The following FRMD3 variants were observed in gnomAD, a reference collection of about 807,000 sequenced individuals.
The protein encoded by FRMD3 is FERM domain-containing protein 3.
In FRMD3, 33 loss-of-function variants were observed where a neutral mutation model predicts 70.2. The observed-to-expected ratio is 0.47, with a 90% CI of 0.36 to 0.63. The LOEUF is 0.63. Among genes scored for constraint, FRMD3 ranks in the 20% least tolerant of loss-of-function variants. The pLI, the probability that FRMD3 is intolerant of heterozygous loss-of-function variation, is 0.00. For synonymous variants in FRMD3, 279 were observed against 255.9 expected (o/e 1.09, Z -0.86); for missense variants, 632 against 711.4 (o/e 0.89, Z 1.27).
chr9:83,436,489 T>TGTGTGTGTGTGTGTGC (rs1279318857), intron 1 of FRMD3, among the ~76,000 whole-genome samples: 1 of 151,370 alleles, frequency 6.6e-6, no homozygotes, highest in Non-Finnish European at 1.5e-5. Flanking sequence ...TGTGTGTGTG[T>TGTGTGTGTGTGTGTGC]GTCTGCATGC....
chr9:83,377,589 G>T (rs942978920), intron 2 of FRMD3, among the ~76,000 whole-genome samples: 7 of 152,044 alleles, frequency 4.6e-5, no homozygotes, highest in African/African-American at 1.4e-4. Flanking sequence ...GTTCTTGCAA[G>T]ATCTGGTCAT....
At chr9:83,477,304 G>C (rs1828424268) in intron 1 of FRMD3, among the ~76,000 whole-genome samples, 1 of 152,176 alleles carries the variant, frequency 6.6e-6, no homozygotes, top group Non-Finnish European at 1.5e-5. Flanking sequence ...CGACTGAGTA[G>C]CCTGGTTTCA....
At chr9:83,452,848 C>CTTTTT (rs11346596) in intron 1 of FRMD3, among the ~76,000 whole-genome samples, 16 of 72,374 alleles carry the variant, frequency 2.2e-4, no homozygotes, top group Non-Finnish European at 3.1e-4. Context: ...TTTTTATTGC[C>CTTTTT]TTTTTTTTTT....
chr9:83,502,914 G>A (rs893412670), intron 1 of FRMD3, among the ~76,000 whole-genome samples: 5 of 152,106 alleles, frequency 3.3e-5, no homozygotes, highest in African/African-American at 1.2e-4. Flanking sequence ...TGCCTCTCTG[G>A]AAAAGGAGAA....
intron 1 of FRMD3, among the ~76,000 whole-genome samples, chr9:83,480,188 G>A (rs191890647): frequency 6.6e-6 from 1 of 152,262 alleles, no homozygotes. Context: ...AAACAATCAT[G>A]ATGCCCATAA....
At chr9:83,462,504 A>C in intron 1 of FRMD3, among the ~76,000 whole-genome samples, 1 of 152,004 alleles carries the variant, frequency 6.6e-6, no homozygotes, top group East Asian at 1.9e-4. Context: ...ATATTCCTAG[A>C]TCCATCCTCA....
intron 1 of FRMD3, among the ~76,000 whole-genome samples, chr9:83,465,161 C>A (rs1447578430): frequency 6.6e-6 from 1 of 152,082 alleles, no homozygotes; most frequent in African/African-American, 2.4e-5. Context: ...TCGATCTCAC[C>A]AACAATATGT....
At chr9:83,517,035 T>A (rs4363276) in intron 1 of FRMD3, among the ~76,000 whole-genome samples, 59,281 of 151,886 alleles carry the variant, frequency 0.39, 12,033 homozygotes, top group Middle Eastern at 0.46. Context: ...TCTAAAATTG[T>A]CACCCTAACA....
intron 6 of FRMD3, among the ~76,000 whole-genome samples, chr9:83,323,415 A>T (rs1367541531): frequency 6.6e-6 from 1 of 152,228 alleles, no homozygotes; most frequent in African/African-American, 2.4e-5. Flanking sequence ...TACAGTTCAA[A>T]TATTTGTCCC....
intron 1 of FRMD3, among the ~76,000 whole-genome samples, chr9:83,465,646 A>C (rs1828106655): frequency 6.6e-6 from 1 of 152,214 alleles, no homozygotes; most frequent in Admixed American, 6.5e-5. Flanking sequence ...TAACTCACAG[A>C]AATAAAGGTG....
At chr9:83,468,768 A>C (rs919638729) in intron 1 of FRMD3, among the ~76,000 whole-genome samples, 14 of 152,338 alleles carry the variant, frequency 9.2e-5, no homozygotes, top group South Asian at 6.2e-4. Context: ...GCAATTTATC[A>C]CCATAGACCT....
At chr9:83,487,404 C>T (rs1289512311) in intron 1 of FRMD3, among the ~76,000 whole-genome samples, 1 of 152,188 alleles carries the variant, frequency 6.6e-6, no homozygotes, top group African/African-American at 2.4e-5. Context: ...TTTCTTATTA[C>T]ATTTCTCTCT....
At chr9:83,542,434 G>A (rs1175492017), upstream of FRMD3, among the ~76,000 whole-genome samples, 1 of 152,136 alleles carries the variant, frequency 6.6e-6, no homozygotes, top group Non-Finnish European at 1.5e-5. Flanking sequence ...AAAACTACAA[G>A]ACTCTGGTGA....
At chr9:83,476,374 ACT>A (rs201217364) in intron 1 of FRMD3, among the ~76,000 whole-genome samples, 30 of 82,854 alleles carry the variant, frequency 3.6e-4, no homozygotes, top group East Asian at 1.0e-3. Context: ...ACAGAGCAAG[ACT>A]CTCTCTCAAA....
chr9:83,490,505 C>G (rs1828792145), intron 1 of FRMD3, among the ~76,000 whole-genome samples: 1 of 152,034 alleles, frequency 6.6e-6, no homozygotes, highest in African/African-American at 2.4e-5. Flanking sequence ...TGGTTTTGAA[C>G]TCATGACTTC....
chr9:83,248,271 CTG>C lies in FRMD3; in HGVS notation c.1439_1440del (p.Thr480ArgfsTer4). The C allele has an allele frequency of 6.2e-7, 1 of 1,614,210 alleles. No homozygotes were observed. The highest frequency in any genetic ancestry group is 8.5e-7 in the Non-Finnish European group (1 of 1,180,044). ...PSRLELEREDTDSFEDLEADE... is the reference protein window; with the variant it reads ...PSRLELEREDXDSFEDLEADE... ...TCTGCTTCCAGATCCTCAAATGAAT[CTG>C]TGTCTTCTCTTTCCAACTCAAGCCT... On this transcript the variant is annotated frameshift_variant, in exon 14 of 14. Transcript: ENST00000304195. LOFTEE classifies it high-confidence loss of function.
At chr9:83,489,683 G>C (rs1828772611) in intron 1 of FRMD3, among the ~76,000 whole-genome samples, 1 of 152,222 alleles carries the variant, frequency 6.6e-6, no homozygotes, top group Non-Finnish European at 1.5e-5. Flanking sequence ...TTCAGCCATT[G>C]TGGAAAGCAG....
intron 13 of FRMD3, among the ~76,000 whole-genome samples, chr9:83,284,713 G>C (rs1434045617): frequency 2.0e-5 from 3 of 152,232 alleles, no homozygotes; most frequent in Non-Finnish European, 4.4e-5. Context: ...AAAATGGTGG[G>C]AAGAAAGACA....
At chr9:83,421,176 A>G (rs1191541697) in intron 1 of FRMD3, among the ~76,000 whole-genome samples, 3 of 150,780 alleles carry the variant, frequency 2.0e-5, no homozygotes, top group Non-Finnish European at 4.4e-5. Flanking sequence ...TCCTGACCTC[A>G]TGATCCGCCC....
Sources: allele counts gnomAD v4.1 joint callset (sites outside exome capture counted in the v4.1 genomes callset), GRCh38; gene constraint gnomAD v4.1.1; transcripts MANE v1.5; gene names NCBI Gene and HGNC (gene_info 2026-07-23, HGNC 2026-07-21).